The following BRIP1 variants were observed in gnomAD, a reference collection of about 807,000 sequenced individuals.
BRIP1 encodes Fanconi anemia group J protein.
BRIP1 carries 88 observed loss-of-function variants against 119.7 expected under a neutral mutation model. That is an observed-to-expected ratio of 0.74 (90% CI 0.62 to 0.88). The LOEUF (loss-of-function observed/expected upper bound fraction) is 0.88. Among genes scored for constraint, BRIP1 ranks in the 40% least tolerant of loss-of-function variants. The probability of loss-of-function intolerance (pLI) is 0.00; values close to 1 mark genes in which losing one functional copy is unlikely to be tolerated. For missense variants in BRIP1, 1,259 were observed against 1,455.4 expected, an observed-to-expected ratio of 0.87 and a Z score of 2.20; for synonymous variants, 443 against 496.5, an observed-to-expected ratio of 0.89 and a Z score of 1.43.
Position 61,709,731 on chromosome 17 carries a change from T to A in BRIP1, c.2492+6220A>T, listed in dbSNP as rs1400975973. ...AATTATGCCGGCTTGAGACAAAGAT[T>A]ATACTTTCAGTAAAGCAACAAAGAC... On this transcript the variant is annotated intron_variant, in intron 17 of 19. Coordinates refer to ENST00000259008, the MANE Select transcript of BRIP1 (RefSeq NM_032043.3). This position sits in a 1 kb window ranked among gnomAD's most constrained non-coding sequence, Gnocchi z 5.0. 1.3e-5 allele frequency among the ~76,000 whole-genome samples: 2 copies of A among 152,226 alleles called. No homozygotes were observed. Among genetic ancestry groups the A allele is most frequent in the Non-Finnish European group, 2.9e-5 (2 of 68,020 alleles).
intron 18 of BRIP1, among the ~76,000 whole-genome samples, chr17:61,692,826 T>G (rs773090156): frequency 7.9e-5 from 12 of 152,146 alleles, no homozygotes; most frequent in Non-Finnish European, 1.3e-4. Flanking sequence ...ATCAAAAAAT[T>G]AAACTTAGAA....
intron 9 of BRIP1, among the ~76,000 whole-genome samples, chr17:61,797,303 A>AC (rs1280404879): frequency 6.6e-6 from 1 of 151,728 alleles, no homozygotes; most frequent in African/African-American, 2.4e-5. Context: ...AAAAGAAATG[A>AC]TAAAAAAAAA....
Position 61,767,687 on chromosome 17 carries a change from C to T in BRIP1, c.2097+8714G>A, listed in dbSNP as rs2077392142. On this transcript the variant is annotated intron_variant, in intron 14 of 19. Coordinates refer to ENST00000259008, the MANE Select transcript of BRIP1 (RefSeq NM_032043.3). This position sits in a 1 kb window ranked among gnomAD's most constrained non-coding sequence, Gnocchi z 5.7. Reference sequence around the variant, plus strand: ...TCAGGCAATCCACCCACCTTGGCCTCCCAAAGTGCTGGGATTACAGGTGTG... The same window carrying T: ...TCAGGCAATCCACCCACCTTGGCCTTCCAAAGTGCTGGGATTACAGGTGTG... Among the ~76,000 whole-genome samples the T allele has an allele frequency of 6.6e-6, 1 of 152,140 alleles. No individual in the cohort carries two copies. The highest frequency in any genetic ancestry group is 1.5e-5 in the Non-Finnish European group (1 of 68,022).
rs2145822517 is a variant in BRIP1, at chr17:61,856,747, A to T, written c.379+311T>A. On this transcript the variant is annotated intron_variant, in intron 4 of 19. Coordinates refer to ENST00000259008, the MANE Select transcript of BRIP1 (RefSeq NM_032043.3). The surrounding 1 kb of genome is among the most constrained non-coding windows in gnomAD (Gnocchi z 5.1). ...TAGGATACAAACATTGTTTTATAGAATTCTAACATATAATTAACAATAATG... is the reference window on the plus strand; with the variant it reads ...TAGGATACAAACATTGTTTTATAGATTTCTAACATATAATTAACAATAATG... Among the ~76,000 whole-genome samples the T allele has an allele frequency of 6.6e-6, 1 of 152,336 alleles. No individual in the cohort carries two copies. The highest frequency in any genetic ancestry group is 1.9e-4 in the East Asian group (1 of 5,186).
rs1262338025 is a variant in BRIP1, at chr17:61,757,866, T to A, written c.2098-13275A>T. Among the ~76,000 whole-genome samples the A allele has an allele frequency of 6.6e-6, 1 of 151,856 alleles. No individual in the cohort carries two copies. The highest frequency in any genetic ancestry group is 1.5e-5 in the Non-Finnish European group (1 of 67,904). ...AAAATAACTGGGCATGGTGGTATGT[T>A]CCTGTAGTCCCAGTTACCCAGGAGG... On this transcript the variant is annotated intron_variant, in intron 14 of 19. Transcript: ENST00000259008. The surrounding 1 kb of genome is among the most constrained non-coding windows in gnomAD (Gnocchi z 4.3).
rs903741772 is a variant in BRIP1, at chr17:61,805,676, T to C, written c.918+2791A>G. ...CTCACTGACTATATCATCTCTAAAA[T>C]TCCTTCCAGCTCTAAAATTCTGTGA... On this transcript the variant is annotated intron_variant, in intron 7 of 19. Transcript: ENST00000259008. This position sits in a 1 kb window ranked among gnomAD's most constrained non-coding sequence, Gnocchi z 5.6. 1.3e-5 allele frequency among the ~76,000 whole-genome samples: 2 copies of C among 152,188 alleles called. No homozygotes were observed. The highest frequency in any genetic ancestry group is 2.4e-5 in the African/African-American group (1 of 41,446).
At chr17:61,800,575 T>A (rs1457010804) in intron 8 of BRIP1, among the ~76,000 whole-genome samples, 2 of 152,142 alleles carry the variant, frequency 1.3e-5, no homozygotes, top group Admixed American at 6.6e-5. Flanking sequence ...AGCAATAGAT[T>A]TTTAGGCAGA....
chr17:61,826,817 G>A (rs1033689296), intron 6 of BRIP1, among the ~76,000 whole-genome samples: 4 of 148,360 alleles, frequency 2.7e-5, no homozygotes, highest in African/African-American at 9.9e-5. Flanking sequence ...CTACTGGTAA[G>A]AATGTAAATT....
chr17:61,683,553 T>C lies in BRIP1; in HGVS notation c.3493A>G (p.Ile1165Val), dbSNP rs771889454. The change falls in exon 20 of 20, where the codon ATT becomes GTT. Residue 1165 changes from isoleucine to valine, a missense_variant. By Grantham distance (29) the Ile-to-Val change is conservative. Around this residue, in one of 3 missense-constraint regions of BRIP1, gnomAD observed 753 missense variants for 891.8 expected, o/e 0.84. Coordinates refer to ENST00000259008, the MANE Select transcript of BRIP1 (RefSeq NM_032043.3). This position sits in a 1 kb window ranked among gnomAD's most constrained non-coding sequence, Gnocchi z 4.7. ...ATTTCAAAAAGGTCTTTAGCTAAAATGCAATCTGAATTGTTAGCCAATCTA... is the reference window on the plus strand; with the variant it reads ...ATTTCAAAAAGGTCTTTAGCTAAAACGCAATCTGAATTGTTAGCCAATCTA... ...GNRLANNSDC[I>V]LAKDLFEIRT... The C allele has an allele frequency of 6.2e-7, 1 of 1,613,232 alleles. No individual in the cohort carries two copies. The highest frequency in any genetic ancestry group is 8.5e-7 in the Non-Finnish European group (1 of 1,179,986).
Position 61,693,583 on chromosome 17 carries a change from C to T in BRIP1, c.2493-71G>A. On this transcript the variant is annotated intron_variant, in intron 17 of 19. Transcript: ENST00000259008. The surrounding 1 kb of genome is among the most constrained non-coding windows in gnomAD (Gnocchi z 4.2). ...AAATCCAGTTTTCCAGTGGGACAGA[C>T]AGAAAATTGGAAAAAAATCAATTTT... The T allele has an allele frequency of 2.3e-6, 3 of 1,318,622 alleles. No homozygotes were observed. The highest frequency in any genetic ancestry group is 1.2e-5 in the South Asian group (1 of 83,344). The allele number at this position is 1,318,622 out of a possible 1,614,324, so 81.7% of individuals were successfully genotyped here.
rs73332524 is a variant in BRIP1 at position 61,822,849 on chromosome 17, G to A, written c.628-14092C>T. On this transcript the variant is annotated intron_variant, in intron 6 of 19. Transcript: ENST00000259008. The surrounding 1 kb of genome is among the most constrained non-coding windows in gnomAD (Gnocchi z 4.4). ...AGGTGGGACGGTTCCAAATGACAAC[G>A]AAGTCCCATGTGTAGTGGTGCTGTT... 7.2e-4 allele frequency among the ~76,000 whole-genome samples: 110 copies of A among 152,228 alleles called. 1 individual carries two copies. The highest frequency in any genetic ancestry group is 2.6e-3 in the African/African-American group (106 of 41,528).
In BRIP1 at chr17:61,679,993, A is replaced by G. The variant is rs1373376749; in HGVS notation, c.*3303T>C. 6.6e-6 allele frequency among the ~76,000 whole-genome samples: 1 copy of G among 152,144 alleles called. No individual in the cohort carries two copies. The highest frequency in any genetic ancestry group is 1.5e-5 in the Non-Finnish European group (1 of 68,026). On this transcript the variant is annotated 3_prime_UTR_variant, in exon 20 of 20. Coordinates refer to ENST00000259008, the MANE Select transcript of BRIP1 (RefSeq NM_032043.3). This position sits in a 1 kb window ranked among gnomAD's most constrained non-coding sequence, Gnocchi z 4.4. Reference sequence around the variant, plus strand: ...AAAGGGTTGTGACACATCTCTATGTACATTCTCAGTAATGAAAATTTTTAA... The same window carrying G: ...AAAGGGTTGTGACACATCTCTATGTGCATTCTCAGTAATGAAAATTTTTAA...
chr17:61,854,279 G>A (rs1470819375), intron 4 of BRIP1, among the ~76,000 whole-genome samples: 1 of 151,328 alleles, frequency 6.6e-6, no homozygotes, highest in African/African-American at 2.4e-5. Flanking sequence ...CCTATCTCCA[G>A]GAAAAAAGAA....
intron 13 of BRIP1, among the ~76,000 whole-genome samples, chr17:61,777,334 T>C (rs532779147): frequency 4.4e-4 from 67 of 152,322 alleles, no homozygotes; most frequent in African/African-American, 1.6e-3. Context: ...TGACCAAATG[T>C]GTGGGAGGTT....
At position 61,759,883 on chromosome 17, in the gene BRIP1, T is replaced by C. The variant is rs1329586886; in HGVS notation, c.2098-15292A>G. ...ACACAGGGTTGCCACAAACCTTTAA[T>C]TTATGAAAAAAAAAAAACCCAGAAT... On this transcript the variant is annotated intron_variant, in intron 14 of 19. Transcript: ENST00000259008. This position sits in a 1 kb window ranked among gnomAD's most constrained non-coding sequence, Gnocchi z 4.9. Among the ~76,000 whole-genome samples the C allele has an allele frequency of 1.4e-5, 2 of 143,674 alleles. No individual in the cohort carries two copies. Among genetic ancestry groups the C allele is most frequent in the African/African-American group, 4.9e-5 (2 of 40,630 alleles). 94.3% of individuals were successfully genotyped at this position (143,674 alleles called of 152,430 possible).
rs1421067773 is a variant in BRIP1 at position 61,681,984 on chromosome 17, G to A, written c.*1312C>T. 1 of 200,738 alleles carries A rather than the reference G, an allele frequency of 5.0e-6. No individual in the cohort carries two copies. Among genetic ancestry groups the A allele is most frequent in the Non-Finnish European group, 1.0e-5 (1 of 97,586 alleles). The allele number at this position is 200,738 out of a possible 1,614,324, so 12.4% of individuals were successfully genotyped here. A position where few individuals can be genotyped will look rare whatever the true frequency, so the allele number is the denominator to read the frequency against. On this transcript the variant is annotated 3_prime_UTR_variant, in exon 20 of 20. Coordinates refer to ENST00000259008, the MANE Select transcript of BRIP1 (RefSeq NM_032043.3). The surrounding 1 kb of genome is among the most constrained non-coding windows in gnomAD (Gnocchi z 5.1). ...TCCCAATGCCCAGTGAATAACAGAT[G>A]TTTCTTAAAAAGAGATCAATGAATG... is the stretch of plus-strand genomic sequence containing the variant.
rs2078206460 is a variant in BRIP1 at position 61,814,313 on chromosome 17, T to A, written c.628-5556A>T. On this transcript the variant is annotated intron_variant, in intron 6 of 19. Coordinates refer to ENST00000259008, the MANE Select transcript of BRIP1 (RefSeq NM_032043.3). The surrounding 1 kb of genome is among the most constrained non-coding windows in gnomAD (Gnocchi z 4.9). ...CCTTAAAGAAGGAAAGAAAAATAGG[T>A]AAAAAGGGGGCACAGGCTGACAGAA... Among the ~76,000 whole-genome samples, 1 of 151,758 alleles carries A rather than the reference T, an allele frequency of 6.6e-6. No individual in the cohort carries two copies. The highest frequency in any genetic ancestry group is 2.4e-5 in the African/African-American group (1 of 41,352).
intron 3 of BRIP1, 109 bp downstream of exon 3, chr17:61,859,687 A>T (rs1384710826): frequency 2.8e-5 from 21 of 746,494 alleles, no homozygotes; most frequent in Non-Finnish European, 5.0e-5. Flanking sequence ...ATCTTTAAAC[A>T]AATATTTAAG....
Position 61,690,631 on chromosome 17 carries a change from C to G in BRIP1, c.2575+2799G>C, listed in dbSNP as rs1361352075. Among the ~76,000 whole-genome samples the G allele has an allele frequency of 2.0e-5, 3 of 152,022 alleles. No individual in the cohort carries two copies. Among genetic ancestry groups the G allele is most frequent in the Non-Finnish European group, 4.4e-5 (3 of 67,988 alleles). The stretch of plus-strand genomic sequence containing the variant: ...AATGAAAAGCTTTTAAGACCAGCAA[C>G]AAAGCAAGGATGTTCATTCTCACTA... On this transcript the variant is annotated intron_variant, in intron 18 of 19. Coordinates refer to ENST00000259008, the MANE Select transcript of BRIP1 (RefSeq NM_032043.3). The surrounding 1 kb of genome is among the most constrained non-coding windows in gnomAD (Gnocchi z 5.6).
Sources: allele counts gnomAD v4.1 joint callset (sites outside exome capture counted in the v4.1 genomes callset), GRCh38; gene constraint gnomAD v4.1.1; regional missense constraint gnomAD v4.1.1; non-coding constraint Gnocchi (gnomAD v3.1); transcripts MANE v1.5; gene names NCBI Gene and HGNC (gene_info 2026-07-23, HGNC 2026-07-21).